Variants in NTM observed in about 807,000 individuals in gnomAD.
NTM encodes the protein neurotrimin, also known as IgLON family member 2.
In NTM, 13 loss-of-function variants were observed where a neutral mutation model predicts 42.1. That is an observed-to-expected ratio of 0.31 (90% confidence interval 0.20 to 0.49). The LOEUF is 0.49. Ranked by LOEUF, NTM falls within the 20% of genes least tolerant of loss-of-function variation. NTM has a pLI of 0.99. For missense variants in NTM, 373 were observed against 452.8 expected, an observed-to-expected ratio of 0.82 and a Z score of 1.60; for synonymous variants, 187 against 179.2, an observed-to-expected ratio of 1.04 and a Z score of -0.35.
chr11:131,589,201 G>C (rs1037108988), intron 1 of NTM, among the ~76,000 whole-genome samples: 7 of 151,800 alleles, frequency 4.6e-5, no homozygotes, highest in Non-Finnish European at 1.0e-4. Flanking sequence ...GTGTGTGTGT[G>C]TAGGCTCTGG....
chr11:131,394,437 C>A (rs897093086), intron 1 of NTM, among the ~76,000 whole-genome samples: 2 of 152,106 alleles, frequency 1.3e-5, no homozygotes, highest in African/African-American at 4.8e-5. Flanking sequence ...GAAGTCAGAG[C>A]GAGAAGGAGA....
intron 1 of NTM, among the ~76,000 whole-genome samples, chr11:131,510,417 T>C (rs1227551537): frequency 6.6e-6 from 1 of 152,148 alleles, no homozygotes; most frequent in Non-Finnish European, 1.5e-5. Flanking sequence ...GGAGAGTGGA[T>C]GGGTCTGCTT....
rs532855054 is a variant in NTM at position 132,319,030 on chromosome 11, T to C, written c.934+4327T>C. ...AAAGAAATAGAAAAAGTGAAGTCAA[T>C]AGACTTATTCAGATTCAACCTATGA... On this transcript the variant is annotated intron_variant, in intron 7 of 8. Transcript: ENST00000683400. Among the ~76,000 whole-genome samples the C allele has an allele frequency of 6.3e-4, 96 of 152,252 alleles. No homozygotes were observed. In the South Asian group the frequency reaches 0.019, roughly 30 times the overall value.
intron 2 of NTM, among the ~76,000 whole-genome samples, chr11:131,979,927 A>G (rs1487872536): frequency 6.6e-6 from 1 of 152,218 alleles, no homozygotes; most frequent in Non-Finnish European, 1.5e-5. Context: ...CTCTTTGCAC[A>G]TATTAATTAA....
chr11:132,189,431 T>C (rs1195094691), intron 3 of NTM, among the ~76,000 whole-genome samples: 5 of 152,302 alleles, frequency 3.3e-5, no homozygotes, highest in Middle Eastern at 3.4e-3. Context: ...GACAGGTTTC[T>C]TGTTTAGCTT....
At chr11:131,873,654 CATATATATACACATAT>C (rs2048119272) in intron 1 of NTM, among the ~76,000 whole-genome samples, 1 of 94,828 alleles carries the variant, frequency 1.1e-5, no homozygotes, top group Non-Finnish European at 2.1e-5. Flanking sequence ...TATATACACA[CATATATATACACATAT>C]ATATATACAC....
At position 132,155,478 on chromosome 11, in the gene NTM, C is replaced by T. The variant is rs189813951; in HGVS notation, c.400+8964C>T. The stretch of plus-strand genomic sequence containing the variant: ...ACATGTCCTGCCGCTGATGTGGGTC[C>T]CTGTTCCCAGAAACCGGTCTGGGTC... On this transcript the variant is annotated intron_variant, in intron 3 of 8. Coordinates refer to ENST00000683400, the MANE Select transcript of NTM (RefSeq NM_001352005.2). Among the ~76,000 whole-genome samples the T allele has an allele frequency of 8.0e-4, 122 of 152,258 alleles. 1 individual carries two copies. The highest frequency in any genetic ancestry group is 5.8e-3 in the Admixed American group (89 of 15,302).
intron 2 of NTM, among the ~76,000 whole-genome samples, chr11:131,935,545 G>A (rs925530835): frequency 6.6e-6 from 1 of 151,986 alleles, no homozygotes; most frequent in African/African-American, 2.4e-5. Flanking sequence ...GAGTGTGCAC[G>A]CATGTGTGCT....
intron 1 of NTM, among the ~76,000 whole-genome samples, chr11:131,586,714 G>A (rs1399901296): frequency 1.3e-5 from 2 of 152,288 alleles, no homozygotes; most frequent in East Asian, 1.9e-4. Context: ...CACAGCAACA[G>A]ATAATTAATA....
intron 1 of NTM, among the ~76,000 whole-genome samples, chr11:131,574,080 G>C (rs916631404): frequency 6.6e-6 from 1 of 152,216 alleles, no homozygotes; most frequent in Non-Finnish European, 1.5e-5. Context: ...CTGTGCAGGT[G>C]TGGGAGCTAG....
At chr11:131,791,911 A>T (rs904890628) in intron 1 of NTM, among the ~76,000 whole-genome samples, 12 of 152,198 alleles carry the variant, frequency 7.9e-5, no homozygotes, top group Non-Finnish European at 1.3e-4. Context: ...TATAAATAGA[A>T]ACAGCAGTGT....
chr11:131,386,953 A>T (rs1338248177), intron 1 of NTM, among the ~76,000 whole-genome samples: 3 of 152,160 alleles, frequency 2.0e-5, no homozygotes, highest in Non-Finnish European at 4.4e-5. Flanking sequence ...CTTTTTAAGG[A>T]ATTAAAAAGA....
chr11:132,320,048 T>C (rs2095525230), intron 7 of NTM, among the ~76,000 whole-genome samples: 1 of 152,200 alleles, frequency 6.6e-6, no homozygotes. Context: ...GACCTGCAGA[T>C]GAGGGTCCTG....
chr11:132,330,302 A>T lies in NTM; in HGVS notation c.967+117A>T, dbSNP rs1282210070. On this transcript the variant is annotated intron_variant, in intron 8 of 8. Transcript: ENST00000683400. ...AACTCCAGGAAGCAGCGCAGAGGGA[A>T]CCCTCCCCCAACCTTCAACCATCTC... The T allele has an allele frequency of 2.6e-6, 3 of 1,133,008 alleles. No homozygotes were observed. In the East Asian group the frequency reaches 7.9e-5, roughly 30 times the overall value. The allele number at this position is 1,133,008 out of a possible 1,614,324, so 70.2% of individuals were successfully genotyped here.
chr11:131,814,991 C>G (rs2092891572), intron 1 of NTM, among the ~76,000 whole-genome samples: 1 of 146,474 alleles, frequency 6.8e-6, no homozygotes, highest in East Asian at 1.9e-4. Context: ...GGATTTTGAT[C>G]TTCTTCATTT....
chr11:131,680,355 CTGTGTA>C (rs1392804223), intron 1 of NTM, among the ~76,000 whole-genome samples: 1 of 130,342 alleles, frequency 7.7e-6, no homozygotes, highest in East Asian at 2.3e-4. Flanking sequence ...ATGTACTTGT[CTGTGTA>C]TGTGTGTTTC....
At chr11:132,080,398 C>A (rs916046771) in intron 2 of NTM, among the ~76,000 whole-genome samples, 15 of 152,170 alleles carry the variant, frequency 9.9e-5, no homozygotes, top group Admixed American at 5.2e-4. Context: ...AAACTCCATG[C>A]CAAAAAGATC....
intron 1 of NTM, among the ~76,000 whole-genome samples, chr11:131,665,800 G>A (rs956480342): frequency 6.6e-6 from 1 of 152,206 alleles, no homozygotes; most frequent in Non-Finnish European, 1.5e-5. Context: ...AGGCAGGCTT[G>A]TGAGACAAAT....
Position 131,673,985 on chromosome 11 carries a change from A to G in NTM, c.83-237579A>G, listed in dbSNP as rs1362942105. On this transcript the variant is annotated intron_variant, in intron 1 of 8. Transcript: ENST00000683400. The stretch of plus-strand genomic sequence containing the variant: ...TGATGGCAACTCGGGGAGATAATTG[A>G]CTTCAGAAATGCTATGTCTTGGATG... Among the ~76,000 whole-genome samples the G allele has an allele frequency of 4.6e-5, 7 of 152,218 alleles. No individual in the cohort carries two copies. The South Asian group carries it at 1.5e-3, about 32-fold the overall frequency.
Sources: gnomAD v4.1 joint callset for allele counts (sites outside exome capture counted in the v4.1 genomes callset) on GRCh38, gnomAD v4.1.1 for gene constraint, MANE v1.5 for transcripts, NCBI Gene and HGNC (gene_info 2026-07-23, HGNC 2026-07-21) for gene names.